Variants in CCNDBP1 observed in about 807,000 individuals in gnomAD.
CCNDBP1 encodes the protein cyclin D1 binding protein 1, also known as cyclin-D1-binding protein 1.
Under a neutral mutation model 46.2 loss-of-function variants are expected in CCNDBP1, and 45 were observed. The ratio of observed to expected loss-of-function variants is 0.97; its 90% confidence interval spans 0.77 to 1.25. The LOEUF is 1.25. Ranked by LOEUF, CCNDBP1 falls within the 50% of genes most tolerant of loss-of-function variation. CCNDBP1 has a pLI of 0.00. For missense variants in CCNDBP1, 436 were observed against 442.1 expected (o/e 0.99, Z 0.12); for synonymous variants, 154 against 163.6 (o/e 0.94, Z 0.45).
At chr15:43,186,287 C>A in intron 3 of CCNDBP1, 54 bp downstream of exon 3, 2 of 1,400,608 alleles carry the variant, frequency 1.4e-6, no homozygotes, top group Non-Finnish European at 2.0e-6. Flanking sequence ...CTTAGGAATC[C>A]TCTAATTTTC....
At chr15:43,186,321 A>G in intron 3 of CCNDBP1, 88 bp downstream of exon 3, 1 of 993,820 alleles carries the variant, frequency 1.0e-6, no homozygotes, top group Non-Finnish European at 1.6e-6. Flanking sequence ...CACGCACGCC[A>G]GGAGATTTCT....
chr15:43,189,096 A>AG lies in CCNDBP1; in HGVS notation c.250-103_250-102insG. 1.1e-5 allele frequency: 5 copies of AG among 471,474 alleles called. 1 individual carries two copies. The highest frequency in any genetic ancestry group is 1.4e-5 in the Non-Finnish European group (4 of 278,610). 29.2% of individuals were successfully genotyped at this position (471,474 alleles called of 1,614,324 possible). Reference sequence around the variant, plus strand: ...CTGTCTCAAAAAAAAAAAAAAAAAAAAAAAAAAAGAAAAAGAAAGAAAAGA... The same window carrying AG: ...CTGTCTCAAAAAAAAAAAAAAAAAAAGAAAAAAAAGAAAAAGAAAGAAAAGA... On this transcript the variant is annotated intron_variant, in intron 3 of 10. Transcript: ENST00000300213.
Position 43,191,445 on chromosome 15 carries a change from G to C in CCNDBP1, c.630G>C (p.Glu210Asp). 6.3e-7 allele frequency: 1 copy of C among 1,589,182 alleles called. No homozygotes were observed. The change falls in exon 8 of 11, where the codon GAG becomes GAC. Residue 210 changes from glutamate to aspartate, a missense_variant. Coordinates refer to ENST00000300213, the MANE Select transcript of CCNDBP1 (RefSeq NM_012142.5). ...PYSGLLNDTEENNSDNHNHED... is the reference protein window; with the variant it reads ...PYSGLLNDTEDNNSDNHNHED... ...CTGGCCTCTTGAATGATACTGAGGA[G>C]AACAACTCTGACAACCACAATCATG... is the stretch of plus-strand genomic sequence containing the variant.
At chr15:43,193,206 AC>A (rs2096403424) in intron 9 of CCNDBP1, 1 of 173,910 alleles carries the variant, frequency 5.8e-6, no homozygotes, top group Admixed American at 5.8e-5. Context: ...GGCATCATGC[AC>A]CTATAATCCC....
At chr15:43,192,837 C>A in intron 9 of CCNDBP1, 34 bp downstream of exon 9, 1 of 1,585,264 alleles carries the variant, frequency 6.3e-7, no homozygotes, top group Non-Finnish European at 8.7e-7. Flanking sequence ...AGCTACAGAA[C>A]AAATGGGCAG....
chr15:43,189,101 A>AAAAAAAAAAAAAAG lies in CCNDBP1; in HGVS notation c.250-95_250-94insAAAAAAAAAAGAAA, dbSNP rs756151109. 2.7e-3 allele frequency: 450 copies of AAAAAAAAAAAAAAG among 165,874 alleles called. 53 individuals carry two copies. The highest frequency in any genetic ancestry group is 3.6e-3 in the Non-Finnish European group (321 of 89,534). 10.3% of individuals were successfully genotyped at this position (165,874 alleles called of 1,614,324 possible). A position where few individuals can be genotyped will look rare whatever the true frequency, so the allele number is the denominator to read the frequency against. ...TCAAAAAAAAAAAAAAAAAAAAAAA[A>AAAAAAAAAAAAAAG]AAAGAAAAAGAAAGAAAAGAAAAAG... On this transcript the variant is annotated intron_variant, in intron 3 of 10. Transcript: ENST00000300213.
intron 3 of CCNDBP1, among the ~76,000 whole-genome samples, chr15:43,186,594 C>T (rs910547854): frequency 1.3e-5 from 2 of 152,168 alleles, no homozygotes; most frequent in Non-Finnish European, 2.9e-5. Flanking sequence ...AGCAGGGGGG[C>T]TAGAATTTAA....
At chr15:43,191,726 A>G (rs1175824589) in intron 8 of CCNDBP1, 51 bp downstream of exon 8, 2 of 1,558,680 alleles carry the variant, frequency 1.3e-6, no homozygotes, top group Admixed American at 1.8e-5. Context: ...TCTGATTTCA[A>G]TTTGTGTTGT....
rs2042046550 is a variant in CCNDBP1 at position 43,197,025 on chromosome 15, A to AC, written c.*2188dup. On this transcript the variant is annotated 3_prime_UTR_variant, in exon 11 of 11. Transcript: ENST00000300213. The stretch of plus-strand genomic sequence containing the variant: ...AAAACGAGGCTGGCACCTGGCACTT[A>AC]CCCCTACCCCTCAACCCATTCTTGC... The AC allele has an allele frequency of 4.5e-6, 2 of 440,664 alleles. No individual in the cohort carries two copies. Among genetic ancestry groups the AC allele is most frequent in the South Asian group, 4.2e-5 (2 of 47,334 alleles). The allele number at this position is 440,664 out of a possible 1,614,324, so 27.3% of individuals were successfully genotyped here.
intron 1 of CCNDBP1, 30 bp from the exon 2 acceptor site, chr15:43,185,790 C>G: frequency 1.2e-6 from 2 of 1,606,086 alleles, no homozygotes; most frequent in Non-Finnish European, 1.7e-6. Context: ...CATTCGCCAC[C>G]GTTCGGCCCC....
rs771422548 is a variant in CCNDBP1 at position 43,195,077 on chromosome 15, C to G, written c.*236C>G. On this transcript the variant is annotated 3_prime_UTR_variant, in exon 11 of 11. Transcript: ENST00000300213. Reference sequence around the variant, plus strand: ...AAAATAATTGCATGATTTCTCATTCCTGAGTCATTTCTCAGAGATTCCTAG... The same window carrying G: ...AAAATAATTGCATGATTTCTCATTCGTGAGTCATTTCTCAGAGATTCCTAG... 7 of 362,680 alleles carry G rather than the reference C, an allele frequency of 1.9e-5. No individual in the cohort carries two copies. Among genetic ancestry groups the G allele is most frequent in the Non-Finnish European group, 3.4e-5 (7 of 203,406 alleles). The allele number at this position is 362,680 out of a possible 1,614,324, so 22.5% of individuals were successfully genotyped here.
In CCNDBP1 at chr15:43,187,271, A is replaced by ATT. The variant is rs1444319407; in HGVS notation, c.249+1053_249+1054dup. On this transcript the variant is annotated intron_variant, in intron 3 of 10. Coordinates refer to ENST00000300213, the MANE Select transcript of CCNDBP1 (RefSeq NM_012142.5). ...CTCTCTCCTCCTACATACCTTTGAG[A>ATT]TTTTTTTTTTTTTTTTGAGACAGAG... is the stretch of plus-strand genomic sequence containing the variant. 1.7e-3 allele frequency among the ~76,000 whole-genome samples: 239 copies of ATT among 141,654 alleles called. 1 individual carries two copies. Among genetic ancestry groups the ATT allele is most frequent in the East Asian group, 9.0e-3 (44 of 4,910 alleles). 92.9% of individuals were successfully genotyped at this position (141,654 alleles called of 152,430 possible).
At position 43,191,624 on chromosome 15, in the gene CCNDBP1, A is replaced by C. The variant is rs567268166; in HGVS notation, c.809A>C (p.Gln270Pro). The change falls in exon 8 of 11, where the codon CAG becomes CCG. Residue 270 changes from glutamine (Q) to proline (P), a missense_variant. Coordinates refer to ENST00000300213, the MANE Select transcript of CCNDBP1 (RefSeq NM_012142.5). The stretch of plus-strand genomic sequence containing the variant: ...GTGGCAGAGAATGGGAAGAAGGATC[A>C]GGTGGCACAGCTGGATGACATTGTG... Reference protein sequence around the residue: ...MLVAENGKKDQVAQLDDIVDI... With the variant: ...MLVAENGKKDPVAQLDDIVDI... 2 of 1,612,356 alleles carry C rather than the reference A, an allele frequency of 1.2e-6. No homozygotes were observed. The highest frequency in any genetic ancestry group is 1.7e-6 in the Non-Finnish European group (2 of 1,179,990).
chr15:43,189,494 G>T, intron 4 of CCNDBP1: 2 of 477,642 alleles, frequency 4.2e-6, no homozygotes, highest in East Asian at 7.1e-5. Flanking sequence ...CCCCTGCCTT[G>T]CCTGACTCAT....
chr15:43,186,289 C>CT (rs1475580467), intron 3 of CCNDBP1, 56 bp downstream of exon 3: 4 of 1,402,404 alleles, frequency 2.9e-6, no homozygotes, highest in Non-Finnish European at 4.0e-6. Flanking sequence ...TAGGAATCCT[C>CT]TAATTTTCTT....
Position 43,190,383 on chromosome 15 carries a change from C to A in CCNDBP1, c.487C>A (p.Pro163Thr). Residue 163 changes from proline (P) to threonine (T), a missense_variant, in exon 6 of 11, where the codon CCT becomes ACT. Physicochemically the swap from Pro to Thr is conservative, Grantham distance 38. Coordinates refer to ENST00000300213, the MANE Select transcript of CCNDBP1 (RefSeq NM_012142.5). ...TGTCTGGGTTGCGTGCCAGCAGATG[C>A]CTCAGATACCAAGAGGTGAGTGAAA... Reference protein sequence around the residue: ...NSVWVACQQMPQIPRDNKAAA... With the variant: ...NSVWVACQQMTQIPRDNKAAA... 1.9e-6 allele frequency: 3 copies of A among 1,614,082 alleles called. No homozygotes were observed. The highest frequency in any genetic ancestry group is 2.5e-6 in the Non-Finnish European group (3 of 1,179,996).
intron 3 of CCNDBP1, among the ~76,000 whole-genome samples, chr15:43,188,066 C>T (rs4924710): frequency 0.011 from 1,679 of 151,810 alleles, 116 homozygotes; most frequent in Admixed American, 0.1. Context: ...ATTATGTGCT[C>T]GGATGTTGAA....
chr15:43,193,155 T>C (rs2041984472), intron 9 of CCNDBP1: 1 of 222,090 alleles, frequency 4.5e-6, no homozygotes, highest in Admixed American at 5.3e-5. Flanking sequence ...CTGGCCAACA[T>C]GGCGAAACCT....
Position 43,196,221 on chromosome 15 carries a change from G to A in CCNDBP1, c.*1380G>A, listed in dbSNP as rs532984968. 3.3e-5 allele frequency: 5 copies of A among 150,250 alleles called. No homozygotes were observed. Among genetic ancestry groups the A allele is most frequent in the South Asian group, 4.2e-4 (2 of 4,750 alleles). 9.3% of individuals were successfully genotyped at this position (150,250 alleles called of 1,614,324 possible). ...CTCAGGTCCTGTATTGTATAACTTC[G>A]TTCAGTCATGTTTGGATCTTTAAGG... On this transcript the variant is annotated 3_prime_UTR_variant, in exon 11 of 11. Transcript: ENST00000300213.
Sources: allele counts gnomAD v4.1 joint callset (sites outside exome capture counted in the v4.1 genomes callset), GRCh38; gene constraint gnomAD v4.1.1; transcripts MANE v1.5; gene names NCBI Gene and HGNC (gene_info 2026-07-23, HGNC 2026-07-21).